Variants in SYT7 observed in about 807,000 individuals in gnomAD.
SYT7 encodes the protein synaptotagmin 7.
SYT7 carries 29 observed loss-of-function variants against 75.1 expected under a neutral mutation model. That is an observed-to-expected ratio of 0.39 (90% CI 0.29 to 0.53). SYT7 has a LOEUF of 0.53. Among genes scored for constraint, SYT7 ranks in the 20% least tolerant of loss-of-function variants. The pLI is 0.77. For missense variants in SYT7, 693 were observed against 953.2 expected, an observed-to-expected ratio of 0.73 and a Z score of 3.59; for synonymous variants, 376 against 401.7, an observed-to-expected ratio of 0.94 and a Z score of 0.76.
chr11:61,546,546 A>AG lies in SYT7; in HGVS notation c.348-292dup, dbSNP rs1369750668. On this transcript the variant is annotated intron_variant, in intron 4 of 12. Transcript: ENST00000539008. The surrounding 1 kb of genome is among the most constrained non-coding windows in gnomAD (Gnocchi z 7.6). Reference sequence around the variant, plus strand: ...GGAGAACAACGCACCACGACAACGGAGGGGGGGCCCCTCCCCACCGCCTGG... The same window carrying AG: ...GGAGAACAACGCACCACGACAACGGAGGGGGGGGCCCCTCCCCACCGCCTGG... 4.3e-5 allele frequency: 5 copies of AG among 117,036 alleles called. No homozygotes were observed. Among genetic ancestry groups the AG allele is most frequent in the African/African-American group, 2.9e-4 (2 of 6,970 alleles). The allele number at this position is 117,036 out of a possible 1,614,324, so 7.2% of individuals were successfully genotyped here. A position where few individuals can be genotyped will look rare whatever the true frequency, so the allele number is the denominator to read the frequency against.
Position 61,551,402 on chromosome 11 carries a change from C to G in SYT7, c.197G>C (p.Ser66Thr), listed in dbSNP as rs774352529. 6.2e-7 allele frequency: 1 copy of G among 1,613,942 alleles called. No individual in the cohort carries two copies. The highest frequency in any genetic ancestry group is 8.5e-7 in the Non-Finnish European group (1 of 1,179,970). Residue 66 changes from serine to threonine, a missense_variant, in exon 3 of 13, where the codon AGT (serine) becomes ACT (threonine). Ser to Thr is a moderately conservative substitution (Grantham distance 58). Coordinates refer to ENST00000539008, the MANE Select transcript of SYT7 (RefSeq NM_001365809.2). The surrounding 1 kb of genome is among the most constrained non-coding windows in gnomAD (Gnocchi z 5.3). ...CACCTACTTGATAGCCTTCTTCTCA[C>G]TGCGCCCACGCCCTGAGTCTGGCGT... ...VGTPDSGRGR[S>T]EKKAINDLDR...
At position 61,518,771 on chromosome 11, in the gene SYT7, C is replaced by T. The variant is rs1274328528; in HGVS notation, c.1957-40G>A. ...GAGACGATGGCATCGGCACAGGCTC[C>T]AGGGCACTGGCCCTTTCCCCCACAG... On this transcript the variant is annotated intron_variant, in intron 12 of 12. Coordinates refer to ENST00000539008, the MANE Select transcript of SYT7 (RefSeq NM_001365809.2). The T allele has an allele frequency of 2.1e-6, 3 of 1,435,168 alleles. 1 individual carries two copies. The Admixed American group carries it at 6.5e-5, about 31-fold the overall frequency. 88.9% of individuals were successfully genotyped at this position (1,435,168 alleles called of 1,614,324 possible).
rs58242073 is a variant in SYT7 at position 61,531,891 on chromosome 11, CAAAAAAAAAAA to C, written c.1200+1087_1200+1097del. Among the ~76,000 whole-genome samples the C allele has an allele frequency of 6.3e-4, 31 of 49,418 alleles. 1 individual carries two copies. In the East Asian group the frequency reaches 0.022, roughly 34 times the overall value. The allele number at this position is 49,418 out of a possible 152,430, so 32.4% of individuals were successfully genotyped here. On this transcript the variant is annotated intron_variant, in intron 8 of 12. Transcript: ENST00000539008. ...CCTGGGGGACAGAGTGATTCTGTCT[CAAAAAAAAAAA>C]AAAAAAAAAAAAAGCAGGCTCTTAG...
intron 1 of SYT7, among the ~76,000 whole-genome samples, chr11:61,556,848 C>G (rs2063513572): frequency 6.6e-6 from 1 of 152,092 alleles, no homozygotes; most frequent in Non-Finnish European, 1.5e-5. Context: ...GGAAGTCCAC[C>G]CACTGGCCTC....
At chr11:61,570,374 G>A (rs928306477) in intron 1 of SYT7, among the ~76,000 whole-genome samples, 2 of 152,138 alleles carry the variant, frequency 1.3e-5, no homozygotes, top group Admixed American at 6.5e-5. Flanking sequence ...TGGAGCACAG[G>A]GTGAGAGGGT....
intron 6 of SYT7, 80 bp from the exon 7 acceptor site, chr11:61,538,346 G>GGAGAGAGGGAGAGA (rs1555006885): frequency 1.1e-4 from 22 of 203,294 alleles, no homozygotes; most frequent in African/African-American, 6.8e-4. Flanking sequence ...GGAGAGAGAG[G>GGAGAGAGGGAGAGA]GAGAGAGAGA....
chr11:61,549,324 G>A (rs533952007), intron 3 of SYT7, among the ~76,000 whole-genome samples: 32 of 152,280 alleles, frequency 2.1e-4, no homozygotes, highest in African/African-American at 7.0e-4. Flanking sequence ...TTCCTTTACC[G>A]CAGGACTTCT....
rs1402247693 is a variant in SYT7 at position 61,523,819 on chromosome 11, C to G, written c.1756+8G>C. Reference sequence around the variant, plus strand: ...GCCCGCCCATCCTCTGCTGGAGAAGCCCCGTACCTGATGTGCCCCCGATGT... The same window carrying G: ...GCCCGCCCATCCTCTGCTGGAGAAGGCCCGTACCTGATGTGCCCCCGATGT... On this transcript the variant is annotated splice_region_variant and intron_variant, in intron 11 of 12. Coordinates refer to ENST00000539008, the MANE Select transcript of SYT7 (RefSeq NM_001365809.2). This position sits in a 1 kb window ranked among gnomAD's most constrained non-coding sequence, Gnocchi z 5.0. 6.2e-7 allele frequency: 1 copy of G among 1,613,416 alleles called. No individual in the cohort carries two copies. The highest frequency in any genetic ancestry group is 1.1e-5 in the South Asian group (1 of 91,060).
At chr11:61,536,061 C>A (rs2062861421) in intron 7 of SYT7, among the ~76,000 whole-genome samples, 1 of 152,036 alleles carries the variant, frequency 6.6e-6, no homozygotes, top group Non-Finnish European at 1.5e-5. Flanking sequence ...GATTCTGGAC[C>A]CCTGTGGCAG....
At chr11:61,584,554 C>T (rs1268826226), upstream of SYT7, among the ~76,000 whole-genome samples, 3 of 152,170 alleles carry the variant, frequency 2.0e-5, no homozygotes, top group Non-Finnish European at 4.4e-5. Context: ...AAAGTTCTTC[C>T]AGATGTCTAA....
In SYT7 at chr11:61,546,495, GA is replaced by G; in HGVS notation, c.348-241del. On this transcript the variant is annotated intron_variant, in intron 4 of 12. Coordinates refer to ENST00000539008, the MANE Select transcript of SYT7 (RefSeq NM_001365809.2). This position sits in a 1 kb window ranked among gnomAD's most constrained non-coding sequence, Gnocchi z 7.6. ...TTAACAGCGGAGCCTGCAGAGGAGA[GA>G]GGGGGACCGGGCGGGCTGGGGGTCG... The G allele has an allele frequency of 1.8e-6, 1 of 544,634 alleles. No individual in the cohort carries two copies. Among genetic ancestry groups the G allele is most frequent in the South Asian group, 1.9e-5 (1 of 52,906 alleles). The allele number at this position is 544,634 out of a possible 1,614,324, so 33.7% of individuals were successfully genotyped here.
rs968822965 is a variant in SYT7 at position 61,542,685 on chromosome 11, C to A, written c.573-106G>T. 5 of 1,395,852 alleles carry A rather than the reference C, an allele frequency of 3.6e-6. No homozygotes were observed. The highest frequency in any genetic ancestry group is 3.0e-5 in the African/African-American group (2 of 65,928). 86.5% of individuals were successfully genotyped at this position (1,395,852 alleles called of 1,614,324 possible). A position where few individuals can be genotyped will look rare whatever the true frequency, so the allele number is the denominator to read the frequency against. ...GACTAGGAGGCCCCAGTGCAGGGTGCGCGCTGCCGGACCTCGCCAGGCCTC... is the reference window on the plus strand; with the variant it reads ...GACTAGGAGGCCCCAGTGCAGGGTGAGCGCTGCCGGACCTCGCCAGGCCTC... On this transcript the variant is annotated intron_variant, in intron 5 of 12. Coordinates refer to ENST00000539008, the MANE Select transcript of SYT7 (RefSeq NM_001365809.2). The surrounding 1 kb of genome is among the most constrained non-coding windows in gnomAD (Gnocchi z 7.8).
intron 8 of SYT7, 40 bp downstream of exon 8, chr11:61,532,949 G>A: frequency 1.2e-6 from 2 of 1,608,104 alleles, no homozygotes; most frequent in Non-Finnish European, 8.5e-7. Context: ...TGGCCTCCCA[G>A]CCCAGTTCCT....
At chr11:61,567,348 C>T (rs2063798352) in intron 1 of SYT7, among the ~76,000 whole-genome samples, 3 of 151,802 alleles carry the variant, frequency 2.0e-5, no homozygotes, top group African/African-American at 2.4e-5. Flanking sequence ...GCCCCGCCCC[C>T]CAGAGCTGTC....
intron 12 of SYT7, among the ~76,000 whole-genome samples, chr11:61,522,386 C>T (rs1439340899): frequency 6.6e-6 from 1 of 151,966 alleles, no homozygotes; most frequent in Non-Finnish European, 1.5e-5. Flanking sequence ...GACGGGGTTT[C>T]ACCATGTTGG....
rs1242009206 is a variant in SYT7, at chr11:61,513,984, C to A, written c.*4643G>T. Among the ~76,000 whole-genome samples, 1 of 151,840 alleles carries A rather than the reference C, an allele frequency of 6.6e-6. No homozygotes were observed. Among genetic ancestry groups the A allele is most frequent in the Admixed American group, 6.6e-5 (1 of 15,234 alleles). Reference sequence around the variant, plus strand: ...CAGGACGTAACCCAGGACAGCCTTCCAGAAAGCAGCAGTATCCAGGGGGGG... The same window carrying A: ...CAGGACGTAACCCAGGACAGCCTTCAAGAAAGCAGCAGTATCCAGGGGGGG... On this transcript the variant is annotated 3_prime_UTR_variant, in exon 13 of 13. Transcript: ENST00000539008.
chr11:61,546,601 A>G lies in SYT7; in HGVS notation c.348-346T>C. The G allele has an allele frequency of 2.1e-6, 1 of 480,658 alleles. No individual in the cohort carries two copies. Among genetic ancestry groups the G allele is most frequent in the Non-Finnish European group, 4.1e-6 (1 of 244,338 alleles). 29.8% of individuals were successfully genotyped at this position (480,658 alleles called of 1,614,324 possible). On this transcript the variant is annotated intron_variant, in intron 4 of 12. Transcript: ENST00000539008. The surrounding 1 kb of genome is among the most constrained non-coding windows in gnomAD (Gnocchi z 7.6). ...GGGGCGGCGGGGGTTGGGGGAGGGCAGCCACCTCCAACTCTATCCCACAGG... is the reference window on the plus strand; with the variant it reads ...GGGGCGGCGGGGGTTGGGGGAGGGCGGCCACCTCCAACTCTATCCCACAGG...
At position 61,551,290 on chromosome 11, in the gene SYT7, T is replaced by G; in HGVS notation, c.215+94A>C. 1.7e-6 allele frequency: 2 copies of G among 1,161,418 alleles called. No individual in the cohort carries two copies. 71.9% of individuals were successfully genotyped at this position (1,161,418 alleles called of 1,614,324 possible). ...TCGGGGTGTGGGGGAAGTGAAAGTGTGTGGTCAGGTCTGTGGGGCTGGGGG... is the reference window on the plus strand; with the variant it reads ...TCGGGGTGTGGGGGAAGTGAAAGTGGGTGGTCAGGTCTGTGGGGCTGGGGG... On this transcript the variant is annotated intron_variant, in intron 3 of 12. Coordinates refer to ENST00000539008, the MANE Select transcript of SYT7 (RefSeq NM_001365809.2). This position sits in a 1 kb window ranked among gnomAD's most constrained non-coding sequence, Gnocchi z 5.3.
intron 9 of SYT7, among the ~76,000 whole-genome samples, chr11:61,525,113 C>T (rs557059577): frequency 2.0e-5 from 3 of 152,332 alleles, no homozygotes; most frequent in Admixed American, 2.0e-4. Context: ...TCTCTACTGC[C>T]ACCTCCCTCA....
Sources: gnomAD v4.1 joint callset for allele counts (sites outside exome capture counted in the v4.1 genomes callset) on GRCh38, gnomAD v4.1.1 for gene constraint, Gnocchi (gnomAD v3.1) non-coding constraint, MANE v1.5 for transcripts, NCBI Gene and HGNC (gene_info 2026-07-23, HGNC 2026-07-21) for gene names.